NF1: variants seen among roughly 807,000 people sequenced by gnomAD.
NF1 encodes the protein neurofibromin.
NF1 carries 122 observed loss-of-function variants against 325.7 expected under a neutral mutation model. The observed-to-expected ratio is 0.37, with a 90% CI of 0.32 to 0.44. The LOEUF is 0.44. Among genes scored for constraint, NF1 ranks in the 20% least tolerant of loss-of-function variants. The pLI is 1.00. For missense variants in NF1, 2,140 were observed against 3,415.4 expected, an observed-to-expected ratio of 0.63 and a Z score of 9.31; for synonymous variants, 1,091 against 1,186.0, an observed-to-expected ratio of 0.92 and a Z score of 1.65.
At chr17:31,252,803 C>A in intron 30 of NF1, 135 bp from the exon 31 acceptor site, 1 of 700,810 alleles carries the variant, frequency 1.4e-6, no homozygotes, top group Non-Finnish European at 2.5e-6. Context: ...CCTCAAAATT[C>A]AGTTGATTTC....
Position 31,233,314 on chromosome 17 carries a change from T to C in NF1, c.3708+101T>C, listed in dbSNP as rs1413761777. On this transcript the variant is annotated intron_variant, in intron 27 of 57. Coordinates refer to ENST00000358273, the MANE Select transcript of NF1 (RefSeq NM_001042492.3). ...ATGTTTGTTGAATGAATTGATAAAA[T>C]TTCAGAGCCAGAAGAAAGATGTTTA... 2.5e-6 allele frequency: 3 copies of C among 1,184,680 alleles called. No homozygotes were observed. The African/African-American group carries it at 4.5e-5, about 18-fold the overall frequency. The allele number at this position is 1,184,680 out of a possible 1,614,324, so 73.4% of individuals were successfully genotyped here.
intron 39 of NF1, among the ~76,000 whole-genome samples, chr17:31,333,017 C>G (rs2069546866): frequency 1.3e-5 from 2 of 151,742 alleles, no homozygotes; most frequent in Non-Finnish European, 2.9e-5. Flanking sequence ...TCGCTAAGCC[C>G]AGGAGTTTGA....
At chr17:31,211,354 G>A (rs1160637344) in intron 12 of NF1, among the ~76,000 whole-genome samples, 1 of 152,186 alleles carries the variant, frequency 6.6e-6, no homozygotes, top group Non-Finnish European at 1.5e-5. Flanking sequence ...TATTTGAGAT[G>A]AATTAAATTT....
chr17:31,320,561 A>T, intron 36 of NF1: 1 of 739,072 alleles, frequency 1.4e-6, no homozygotes, highest in Non-Finnish European at 2.2e-6. Flanking sequence ...ACGTTGAGTT[A>T]TGCAAACAAA....
At chr17:31,142,795 A>T (rs1310721491) in intron 1 of NF1, among the ~76,000 whole-genome samples, 1 of 151,870 alleles carries the variant, frequency 6.6e-6, no homozygotes, top group Non-Finnish European at 1.5e-5. Context: ...TGAACCCGGG[A>T]GGCGGAGCTT....
Position 31,223,493 on chromosome 17 carries a change from C to G in NF1, c.1771C>G (p.Leu591Val), listed in dbSNP as rs767247726. 2 of 1,612,520 alleles carry G rather than the reference C, an allele frequency of 1.2e-6. No homozygotes were observed. Among genetic ancestry groups the G allele is most frequent in the Non-Finnish European group, 1.7e-6 (2 of 1,178,834 alleles). ...ICKKLTSHQM[L>V]SSTEILKWLR... Reference sequence around the variant, plus strand: ...CAAGAAATTAACTAGTCATCAAATGCTTAGTAGCACAGAAATTCTCAAGTG... The same window carrying G: ...CAAGAAATTAACTAGTCATCAAATGGTTAGTAGCACAGAAATTCTCAAGTG... Residue 591 changes from leucine (L) to valine (V), a missense_variant, in exon 16 of 58, where the codon CTT becomes GTT. Physicochemically the swap from Leu to Val is conservative, Grantham distance 32 (BLOSUM62 1). Around this residue, in one of 10 missense-constraint regions of NF1, gnomAD observed 179 missense variants for 381.0 expected, o/e 0.47. Transcript: ENST00000358273.
chr17:31,377,495 C>G lies in NF1; in HGVS notation c.*3340C>G. The G allele has an allele frequency of 4.3e-6, 1 of 232,964 alleles. No homozygotes were observed. The highest frequency in any genetic ancestry group is 6.1e-5 in the East Asian group (1 of 16,448). 14.4% of individuals were successfully genotyped at this position (232,964 alleles called of 1,614,324 possible). A position where few individuals can be genotyped will look rare whatever the true frequency, so the allele number is the denominator to read the frequency against. ...TCCTTTGTCTACAACCTTGTTAATA[C>G]TGTAAACAGTTGTACGCCAGCAGGA... On this transcript the variant is annotated 3_prime_UTR_variant, in exon 58 of 58. Transcript: ENST00000358273.
At chr17:31,144,849 A>G (rs1448037943) in intron 1 of NF1, among the ~76,000 whole-genome samples, 1 of 152,242 alleles carries the variant, frequency 6.6e-6, no homozygotes, top group East Asian at 1.9e-4. Flanking sequence ...AAGGAGGTAG[A>G]AAAATAAATT....
intron 1 of NF1, among the ~76,000 whole-genome samples, chr17:31,097,350 C>T (rs189517113): frequency 0.018 from 2,708 of 150,368 alleles, 85 homozygotes; most frequent in African/African-American, 0.063. Context: ...CCCAGCTACT[C>T]GGGAGGCTGA....
rs1398681266 is a variant in NF1, at chr17:31,374,737, T to TG, written c.*589dup. 9.0e-6 allele frequency: 2 copies of TG among 222,636 alleles called. No homozygotes were observed. Among genetic ancestry groups the TG allele is most frequent in the African/African-American group, 2.2e-5 (1 of 44,612 alleles). The allele number at this position is 222,636 out of a possible 1,614,324, so 13.8% of individuals were successfully genotyped here. ...ACCATAAAGCCACAGACAAGGTACT[T>TG]GGGGGGGAGGGCAGGGAAATTTCAT... On this transcript the variant is annotated 3_prime_UTR_variant, in exon 58 of 58. Transcript: ENST00000358273.
intron 36 of NF1, among the ~76,000 whole-genome samples, chr17:31,298,814 A>C (rs145267770): frequency 1.1e-4 from 17 of 152,242 alleles, no homozygotes; most frequent in African/African-American, 4.1e-4. Context: ...TTAAGCTCAT[A>C]TATACACTGC....
At chr17:31,125,937 C>T (rs1229401773) in intron 1 of NF1, among the ~76,000 whole-genome samples, 1 of 152,120 alleles carries the variant, frequency 6.6e-6, no homozygotes, top group Non-Finnish European at 1.5e-5. Context: ...AGAATTGTTT[C>T]TTTAAAAAAT....
At chr17:31,335,136 A>G (rs2069612815) in intron 40 of NF1, 105 bp downstream of exon 40, 2 of 938,724 alleles carry the variant, frequency 2.1e-6, no homozygotes, top group South Asian at 1.5e-5. Context: ...ATAGAGTTGT[A>G]AAAAACACAG....
Position 31,227,555 on chromosome 17 carries a change from A to G in NF1, c.2358A>G (p.Gln786=), listed in dbSNP as rs762346437. 12 of 1,613,950 alleles carry G rather than the reference A, an allele frequency of 7.4e-6. No homozygotes were observed. Among genetic ancestry groups the G allele is most frequent in the Non-Finnish European group, 1.0e-5 (12 of 1,179,852 alleles). Residue 786 remains glutamine (Q), a synonymous_variant, in exon 20 of 58, where the codon CAA becomes CAG. Coordinates refer to ENST00000358273, the MANE Select transcript of NF1 (RefSeq NM_001042492.3). ...AAGATACACATGCAAAATGGGAACAAGCAACAAAGCTAATCCTTAACTATC... is the reference window on the plus strand; with the variant it reads ...AAGATACACATGCAAAATGGGAACAGGCAACAAAGCTAATCCTTAACTATC... The part of the protein sequence containing the change: ...AWEDTHAKWE[Q]ATKLILNYPK...
chr17:31,221,217 CTATT>C (rs1160282012), intron 14 of NF1, among the ~76,000 whole-genome samples: 13 of 151,774 alleles, frequency 8.6e-5, no homozygotes, highest in Admixed American at 8.5e-4. Context: ...ATATAATAAT[CTATT>C]TATATGTTAT....
chr17:31,366,198 G>A (rs1055142848), intron 57 of NF1, among the ~76,000 whole-genome samples: 10 of 152,034 alleles, frequency 6.6e-5, no homozygotes, highest in Non-Finnish European at 1.2e-4. Flanking sequence ...CTCCCAAAGT[G>A]CTGGGAATTA....
intron 1 of NF1, among the ~76,000 whole-genome samples, chr17:31,124,813 G>T (rs1271834038): frequency 1.3e-5 from 2 of 151,046 alleles, no homozygotes; most frequent in Admixed American, 1.3e-4. Flanking sequence ...GTGTTAGCCA[G>T]GATGGTCTCG....
chr17:31,267,944 T>C (rs1361124844), intron 36 of NF1, among the ~76,000 whole-genome samples: 1 of 152,200 alleles, frequency 6.6e-6, no homozygotes, highest in Non-Finnish European at 1.5e-5. Context: ...TTAAGTTGTT[T>C]TAGTTAGGCT....
chr17:31,147,876 C>T (rs1371105138), intron 1 of NF1, among the ~76,000 whole-genome samples: 3 of 152,340 alleles, frequency 2.0e-5, no homozygotes, highest in East Asian at 3.9e-4. Context: ...GATTCCCTCA[C>T]GTCTTCAGTT....
Sources: gnomAD v4.1 joint callset for allele counts (sites outside exome capture counted in the v4.1 genomes callset) on GRCh38, gnomAD v4.1.1 for gene constraint, gnomAD v4.1.1 regional missense constraint, MANE v1.5 for transcripts, NCBI Gene and HGNC (gene_info 2026-07-23, HGNC 2026-07-21) for gene names.